TLN2: variants seen among roughly 807,000 people sequenced by gnomAD.
The protein encoded by TLN2 is talin 2.
A neutral mutation model predicts 294.7 loss-of-function variants in TLN2; 118 were observed. The observed-to-expected ratio is 0.40, with a 90% CI of 0.34 to 0.47. The LOEUF (loss-of-function observed/expected upper bound fraction) is 0.47. Among genes scored for constraint, TLN2 ranks in the 20% least tolerant of loss-of-function variants. The pLI is 0.84. For missense variants in TLN2, 3,083 were observed against 3,282.2 expected (o/e 0.94, Z 1.48); for synonymous variants, 1,431 against 1,304.5 (o/e 1.10, Z -2.09).
At chr15:62,687,783 T>C (rs917755040) in intron 12 of TLN2, 1 of 152,102 alleles carries the variant, frequency 6.6e-6, no homozygotes, top group African/African-American at 2.4e-5. Context: ...GATTGATAGG[T>C]TCCTGCCAAT....
chr15:62,567,980 A>G (rs1296538929), intron 1 of TLN2, among the ~76,000 whole-genome samples: 2 of 152,170 alleles, frequency 1.3e-5, no homozygotes, highest in African/African-American at 2.4e-5. Flanking sequence ...TCCCCCTGTA[A>G]TCTGTACCTT....
At chr15:62,762,695 A>G (rs558285457) in intron 39 of TLN2, among the ~76,000 whole-genome samples, 1 of 152,378 alleles carries the variant, frequency 6.6e-6, no homozygotes, top group Non-Finnish European at 1.5e-5. Context: ...ATAGTCTTAT[A>G]AGGTACCACT....
chr15:62,521,370 A>G (rs2040448324), intron 1 of TLN2, among the ~76,000 whole-genome samples: 1 of 152,196 alleles, frequency 6.6e-6, no homozygotes, highest in Admixed American at 6.5e-5. Flanking sequence ...AAATATTTAA[A>G]GAGGTTTATT....
intron 13 of TLN2, 97 bp downstream of exon 13, chr15:62,693,038 T>A: frequency 9.4e-7 from 1 of 1,065,154 alleles, no homozygotes; most frequent in Non-Finnish European, 1.4e-6. Context: ...TCCTCTTAAA[T>A]AATACTTGAG....
chr15:62,792,393 C>T (rs1402986808), intron 45 of TLN2, among the ~76,000 whole-genome samples: 1 of 152,146 alleles, frequency 6.6e-6, no homozygotes, highest in African/African-American at 2.4e-5. Context: ...AGATATGTAT[C>T]AAGGAGGGTA....
chr15:62,620,837 C>CTTTTTTTTTTTTTT (rs71129016), intron 3 of TLN2, among the ~76,000 whole-genome samples: 1 of 66,418 alleles, frequency 1.5e-5, no homozygotes, highest in Non-Finnish European at 2.9e-5. Flanking sequence ...CTTTCTTTTT[C>CTTTTTTTTTTTTTT]TTTTTTTTTT....
intron 54 of TLN2, among the ~76,000 whole-genome samples, chr15:62,822,754 G>A (rs1048911008): frequency 2.0e-5 from 3 of 152,142 alleles, no homozygotes; most frequent in Non-Finnish European, 4.4e-5. Context: ...ATGGTTGCTA[G>A]GACTGTGTAG....
chr15:62,552,957 C>A (rs752536087), intron 1 of TLN2, among the ~76,000 whole-genome samples: 11 of 152,086 alleles, frequency 7.2e-5, no homozygotes, highest in Non-Finnish European at 1.5e-4. Context: ...ATTTTTCTAG[C>A]CTGTATGTCA....
At chr15:62,556,015 TCGTTGACTTAA>T (rs773349682) in intron 1 of TLN2, among the ~76,000 whole-genome samples, 9 of 151,556 alleles carry the variant, frequency 5.9e-5, no homozygotes, top group Non-Finnish European at 1.2e-4. Flanking sequence ...GTTGAGATGC[TCGTTGACTTAA>T]CGTTGACTTA....
At chr15:62,834,980 T>C (rs2069330388) in intron 55 of TLN2, 1 of 152,194 alleles carries the variant, frequency 6.6e-6, no homozygotes, top group South Asian at 2.1e-4. Flanking sequence ...TATAGTATTA[T>C]AGGCAGGACC....
Position 62,541,689 on chromosome 15 carries a change from A to C in TLN2, c.-237-47998A>C, listed in dbSNP as rs1350354480. Among the ~76,000 whole-genome samples the C allele has an allele frequency of 2.6e-5, 4 of 152,246 alleles. No homozygotes were observed. In the East Asian group the frequency reaches 5.8e-4, roughly 22 times the overall value. On this transcript the variant is annotated intron_variant, in intron 1 of 58. Transcript: ENST00000636159. ...CACCTGACAATATCCCCCTTTATACAGTGGGTAGCTTCCTGAAATGTTTTG... is the reference window on the plus strand; with the variant it reads ...CACCTGACAATATCCCCCTTTATACCGTGGGTAGCTTCCTGAAATGTTTTG...
At chr15:62,598,166 G>A (rs1310510101) in intron 2 of TLN2, among the ~76,000 whole-genome samples, 1 of 152,192 alleles carries the variant, frequency 6.6e-6, no homozygotes, top group Non-Finnish European at 1.5e-5. Flanking sequence ...TAGAACAGAT[G>A]TTATCACTGA....
intron 1 of TLN2, among the ~76,000 whole-genome samples, chr15:62,395,463 G>A (rs1432179261): frequency 6.6e-6 from 1 of 152,026 alleles, no homozygotes; most frequent in African/African-American, 2.4e-5. Context: ...TGCTCGATGG[G>A]GCAGGGTGGG....
chr15:62,746,250 T>C (rs898042267), intron 32 of TLN2, among the ~76,000 whole-genome samples: 2 of 152,204 alleles, frequency 1.3e-5, no homozygotes, highest in Non-Finnish European at 2.9e-5. Flanking sequence ...TGTTGATATA[T>C]GCCAGCCTAT....
chr15:62,423,132 G>A (rs774425720), intron 1 of TLN2, among the ~76,000 whole-genome samples: 20 of 152,170 alleles, frequency 1.3e-4, no homozygotes, highest in Non-Finnish European at 2.4e-4. Context: ...GGTGGCTCAC[G>A]CCTGTAATCC....
At chr15:62,674,805 A>G (rs1045995016) in intron 10 of TLN2, among the ~76,000 whole-genome samples, 2 of 152,174 alleles carry the variant, frequency 1.3e-5, no homozygotes, top group African/African-American at 4.8e-5. Context: ...CCCAGCCAAT[A>G]CATTGAGGAT....
chr15:62,571,535 T>C (rs1377980779), intron 1 of TLN2, among the ~76,000 whole-genome samples: 1 of 152,212 alleles, frequency 6.6e-6, no homozygotes, highest in Non-Finnish European at 1.5e-5. Flanking sequence ...TGTAGTAATG[T>C]CATACTAATA....
intron 32 of TLN2, among the ~76,000 whole-genome samples, chr15:62,742,794 G>T (rs570148225): frequency 6.6e-6 from 1 of 152,264 alleles, no homozygotes; most frequent in Admixed American, 6.5e-5. Context: ...ATTCTCCTTG[G>T]TTTTTTGGCA....
intron 2 of TLN2, among the ~76,000 whole-genome samples, chr15:62,606,630 G>C (rs1053940789): frequency 5.3e-5 from 8 of 152,224 alleles, no homozygotes; most frequent in Admixed American, 5.2e-4. Context: ...CAGTATTGCT[G>C]GCTGACTTCC....
Sources: allele counts gnomAD v4.1 joint callset (sites outside exome capture counted in the v4.1 genomes callset), GRCh38; gene constraint gnomAD v4.1.1; transcripts MANE v1.5; gene names NCBI Gene and HGNC (gene_info 2026-07-23, HGNC 2026-07-21).